The following NUP98 variants were observed in gnomAD, a reference collection of about 807,000 sequenced individuals.
NUP98 encodes nucleoporin 98 and 96 precursor, also known as nuclear pore complex protein Nup98-Nup96.
A neutral mutation model predicts 191.9 loss-of-function variants in NUP98; 26 were observed. That is an observed-to-expected ratio of 0.14 (90% CI 0.10 to 0.19). The LOEUF is 0.19. Among genes scored for constraint, NUP98 ranks in the 10% least tolerant of loss-of-function variants. The probability of loss-of-function intolerance (pLI) is 1.00; values close to 1 mark genes in which losing one functional copy is unlikely to be tolerated. For missense variants in NUP98, 1,941 were observed against 2,178.8 expected (o/e 0.89, Z 2.17); for synonymous variants, 808 against 778.4 (o/e 1.04, Z -0.63).
At chr11:3,742,686 A>G in intron 12 of NUP98, among the ~76,000 whole-genome samples, 1 of 137,094 alleles carries the variant, frequency 7.3e-6, no homozygotes, top group Admixed American at 7.7e-5. Context: ...GAGATAGAGC[A>G]AGACTCTGTC....
At chr11:3,702,259 G>A (rs10767513) in intron 23 of NUP98, among the ~76,000 whole-genome samples, 71 of 146,910 alleles carry the variant, frequency 4.8e-4, no homozygotes, top group African/African-American at 1.5e-3. Flanking sequence ...CACACACACC[G>A]GGGAAACAGA....
chr11:3,790,359 C>G (rs2082295239), intron 1 of NUP98, among the ~76,000 whole-genome samples: 1 of 152,146 alleles, frequency 6.6e-6, no homozygotes, highest in South Asian at 2.1e-4. Context: ...AGTAGAACCC[C>G]ACCAGCTCTG....
chr11:3,733,666 G>C (rs949921028), intron 13 of NUP98, among the ~76,000 whole-genome samples: 1 of 152,140 alleles, frequency 6.6e-6, no homozygotes, highest in African/African-American at 2.4e-5. Context: ...GCATGTATCA[G>C]TACTTTACTC....
At chr11:3,748,886 A>G (rs2080614152) in intron 11 of NUP98, among the ~76,000 whole-genome samples, 1 of 151,958 alleles carries the variant, frequency 6.6e-6, no homozygotes, top group Admixed American at 6.6e-5. Context: ...ATGTGGTAGA[A>G]GTTGGATAAG....
chr11:3,716,429 G>A (rs2079184996), intron 18 of NUP98, among the ~76,000 whole-genome samples: 1 of 151,924 alleles, frequency 6.6e-6, no homozygotes, highest in African/African-American at 2.4e-5. Flanking sequence ...TTTAAGACTG[G>A]GCGTGGTGGT....
At chr11:3,753,501 G>A in intron 10 of NUP98, 93 bp from the exon 11 acceptor site, 2 of 921,226 alleles carry the variant, frequency 2.2e-6, no homozygotes, top group South Asian at 1.5e-5. Flanking sequence ...CTGACTTTAA[G>A]TTGTGAACCT....
chr11:3,695,268 CT>C (rs1433954875), intron 26 of NUP98, among the ~76,000 whole-genome samples, 180 bp downstream of exon 26: 1 of 152,198 alleles, frequency 6.6e-6, no homozygotes, highest in Non-Finnish European at 1.5e-5. Context: ...ATTTTAATTT[CT>C]ATACAACTAG....
rs1051789521 is a variant in NUP98, at chr11:3,756,548, G to A, written c.1175-3140C>T. On this transcript the variant is annotated intron_variant, in intron 10 of 32. Transcript: ENST00000324932. ...AGTGATTCTTCTGCCTCAGCCTCCC[G>A]AGTAGCTGGGATTACAGGCATGCAC... 6.6e-5 allele frequency among the ~76,000 whole-genome samples: 10 copies of A among 151,786 alleles called. No homozygotes were observed. The East Asian group carries it at 7.8e-4, about 12-fold the overall frequency.
At chr11:3,753,270 A>G in intron 11 of NUP98, 46 bp downstream of exon 11, 25 of 1,439,362 alleles carry the variant, frequency 1.7e-5, no homozygotes, top group Non-Finnish European at 2.3e-5. Flanking sequence ...GAAACTAGAA[A>G]GTCAAGCTGT....
intron 11 of NUP98, among the ~76,000 whole-genome samples, chr11:3,752,979 T>C (rs988220951): frequency 3.9e-5 from 6 of 152,174 alleles, no homozygotes; most frequent in African/African-American, 1.4e-4. Context: ...TGATGAACAG[T>C]TTAAGGTCTC....
chr11:3,752,184 C>T (rs2080786045), intron 11 of NUP98, among the ~76,000 whole-genome samples: 1 of 149,298 alleles, frequency 6.7e-6, no homozygotes, highest in Non-Finnish European at 1.5e-5. Context: ...AAAATAAAAA[C>T]CACAAAAGCA....
intron 1 of NUP98, among the ~76,000 whole-genome samples, chr11:3,788,058 A>C (rs2082203451): frequency 6.6e-6 from 1 of 152,112 alleles, no homozygotes; most frequent in South Asian, 2.1e-4. Context: ...AGTGTCTCTC[A>C]GCTGCTTTTA....
At chr11:3,730,261 G>A (rs2079793282) in intron 14 of NUP98, among the ~76,000 whole-genome samples, 1 of 151,840 alleles carries the variant, frequency 6.6e-6, no homozygotes, top group Admixed American at 6.6e-5. Context: ...TGCTAGGACA[G>A]ACATAAATAA....
intron 10 of NUP98, chr11:3,760,302 C>T (rs1254962149): frequency 1.9e-6 from 1 of 536,846 alleles, no homozygotes; most frequent in African/African-American, 1.9e-5. Context: ...AAATGAAAGG[C>T]AATTTACATG....
intron 14 of NUP98, among the ~76,000 whole-genome samples, chr11:3,729,531 A>T (rs1589824112): frequency 8.6e-6 from 1 of 115,624 alleles, no homozygotes; most frequent in South Asian, 2.9e-4. Flanking sequence ...ACACAGAAAG[A>T]CCCTGTATCT....
Position 3,782,016 on chromosome 11 carries a change from C to T in NUP98, c.76+26G>A, listed in dbSNP as rs748466460. 1.2e-5 allele frequency: 18 copies of T among 1,553,888 alleles called. No homozygotes were observed. The Middle Eastern group carries it at 2.2e-3, about 189-fold the overall frequency. ...TAGTAAGGGAGATTAAGGTTTCTCCCTCTTTTGTCCTTTTTAAAAACTTAC... is the reference window on the plus strand; with the variant it reads ...TAGTAAGGGAGATTAAGGTTTCTCCTTCTTTTGTCCTTTTTAAAAACTTAC... On this transcript the variant is annotated intron_variant, in intron 2 of 32. Transcript: ENST00000324932.
At chr11:3,687,315 T>C (rs567723669) in intron 28 of NUP98, among the ~76,000 whole-genome samples, 1 of 152,286 alleles carries the variant, frequency 6.6e-6, no homozygotes, top group South Asian at 2.1e-4. Flanking sequence ...ATTGCAAGTA[T>C]TTTCTCCCAA....
At chr11:3,735,432 A>T in intron 12 of NUP98, 108 bp from the exon 13 acceptor site, 1 of 520,938 alleles carries the variant, frequency 1.9e-6, no homozygotes, top group Non-Finnish European at 2.8e-6. Context: ...AGTGGTCTTC[A>T]AAATGCTCAG....
chr11:3,705,212 T>A lies in NUP98; in HGVS notation c.3070A>T (p.Thr1024Ser). Reference sequence around the variant, plus strand: ...TTTTATACTGTACCTAGTGAACGAGTTTTCGACGAGTGGGATGCTGAAATG... The same window carrying A: ...TTTTATACTGTACCTAGTGAACGAGATTTCGACGAGTGGGATGCTGAAATG... ...LPISASHSSK[T>S]RSLVGGLLQS... The change falls in exon 22 of 33, where the codon ACT becomes TCT. Residue 1024 changes from threonine to serine, a missense_variant. Around this residue, in one of 6 missense-constraint regions of NUP98, gnomAD observed 1,030 missense variants for 1,115.8 expected, o/e 0.92. Transcript: ENST00000324932. The A allele has an allele frequency of 6.2e-7, 1 of 1,614,076 alleles. No individual in the cohort carries two copies. Among genetic ancestry groups the A allele is most frequent in the Non-Finnish European group, 8.5e-7 (1 of 1,180,004 alleles).
Sources: gnomAD v4.1 joint callset for allele counts (sites outside exome capture counted in the v4.1 genomes callset) on GRCh38, gnomAD v4.1.1 for gene constraint, gnomAD v4.1.1 regional missense constraint, MANE v1.5 for transcripts, NCBI Gene and HGNC (gene_info 2026-07-23, HGNC 2026-07-21) for gene names.